Variants in ARHGEF7 observed in about 807,000 individuals in gnomAD.
ARHGEF7 encodes PAK-interacting exchange factor beta.
In ARHGEF7, 33 loss-of-function variants were observed where a neutral mutation model predicts 109.8. The observed-to-expected ratio is 0.30, with a 90% CI of 0.23 to 0.40. The LOEUF (loss-of-function observed/expected upper bound fraction) is 0.40. ARHGEF7 is among the 10% of genes least tolerant of loss of function. The probability of loss-of-function intolerance (pLI) is 1.00; values close to 1 mark genes in which losing one functional copy is unlikely to be tolerated. For missense variants in ARHGEF7, 938 were observed against 1,098.5 expected, an observed-to-expected ratio of 0.85 and a Z score of 2.07; for synonymous variants, 458 against 424.6, an observed-to-expected ratio of 1.08 and a Z score of -0.97.
intron 21 of ARHGEF7, among the ~76,000 whole-genome samples, chr13:111,301,973 A>G (rs1038167712): frequency 5.3e-5 from 8 of 152,200 alleles, no homozygotes; most frequent in African/African-American, 1.9e-4. Flanking sequence ...AGATAAAATA[A>G]TTGGTTGTCT....
intron 17 of ARHGEF7, among the ~76,000 whole-genome samples, chr13:111,287,064 C>A (rs933186372): frequency 9.9e-5 from 15 of 152,232 alleles, no homozygotes; most frequent in Admixed American, 9.8e-4. Context: ...CTGTGCCATG[C>A]CACTGCTGGC....
chr13:111,155,513 A>T (rs2076249211), intron 2 of ARHGEF7, among the ~76,000 whole-genome samples: 1 of 152,236 alleles, frequency 6.6e-6, no homozygotes, highest in African/African-American at 2.4e-5. Context: ...GGGCCTTTTC[A>T]AAGGGGAAAA....
intron 2 of ARHGEF7, among the ~76,000 whole-genome samples, chr13:111,186,135 G>A (rs1017336021): frequency 2.0e-5 from 3 of 152,114 alleles, no homozygotes; most frequent in Non-Finnish European, 4.4e-5. Context: ...TTGGGGCTGC[G>A]CTTCCCTGCC....
In ARHGEF7 at chr13:111,286,116, T is replaced by C. The variant is rs749896139; in HGVS notation, c.1951-31T>C. On this transcript the variant is annotated intron_variant, in intron 16 of 21. Coordinates refer to ENST00000646102, the MANE Select transcript of ARHGEF7 (RefSeq NM_001354046.2). The stretch of plus-strand genomic sequence containing the variant: ...CCAGTGAAAATGATTGGCTTTAGAG[T>C]ATGTTAGCATTTTCTTTTGTCTTTC... The C allele has an allele frequency of 7.3e-5, 114 of 1,553,102 alleles. 1 individual carries two copies. The East Asian group carries it at 2.5e-3, about 35-fold the overall frequency.
chr13:111,187,273 A>G (rs755817488), intron 2 of ARHGEF7, among the ~76,000 whole-genome samples: 4 of 152,054 alleles, frequency 2.6e-5, no homozygotes, highest in East Asian at 1.9e-4. Context: ...CTGGCTGTGA[A>G]ATTGGTTCAC....
At chr13:111,125,179 T>G (rs1566593128) in intron 1 of ARHGEF7, among the ~76,000 whole-genome samples, 1 of 152,162 alleles carries the variant, frequency 6.6e-6, no homozygotes, top group East Asian at 1.9e-4. Context: ...GCTTTGGACC[T>G]GGAATCTTTC....
chr13:111,119,873 G>A (rs1198549361), intron 1 of ARHGEF7, among the ~76,000 whole-genome samples: 5 of 152,150 alleles, frequency 3.3e-5, no homozygotes, highest in Admixed American at 2.6e-4. Flanking sequence ...TAAAAAGAAC[G>A]TGATGAGTGA....
At chr13:111,208,076 TG>T (rs2082095126) in intron 3 of ARHGEF7, among the ~76,000 whole-genome samples, 1 of 152,244 alleles carries the variant, frequency 6.6e-6, no homozygotes. Context: ...GTTTCGTTCT[TG>T]TTGCCCAGGC....
intron 20 of ARHGEF7, 74 bp from the exon 21 acceptor site, chr13:111,301,404 C>A: frequency 7.9e-7 from 1 of 1,268,366 alleles, no homozygotes; most frequent in Non-Finnish European, 1.1e-6. Flanking sequence ...ATCGTAGTGT[C>A]TCCTGGTAAG....
In ARHGEF7 at chr13:111,258,999, G is replaced by C. The variant is rs1016142202; in HGVS notation, c.951-8549G>C. The stretch of plus-strand genomic sequence containing the variant: ...GAGAGGTTTCCTGCTTATGGAAAAG[G>C]GGAGTGAAGAGTGGGAAGGACTTTT... On this transcript the variant is annotated intron_variant, in intron 8 of 21. Coordinates refer to ENST00000646102, the MANE Select transcript of ARHGEF7 (RefSeq NM_001354046.2). The surrounding 1 kb of genome is among the most constrained non-coding windows in gnomAD (Gnocchi z 4.4). Among the ~76,000 whole-genome samples, 10 of 152,206 alleles carry C rather than the reference G, an allele frequency of 6.6e-5. No homozygotes were observed. Among genetic ancestry groups the C allele is most frequent in the Non-Finnish European group, 1.5e-4 (10 of 68,040 alleles).
At chr13:111,213,365 C>T (rs1014400245) in intron 4 of ARHGEF7, among the ~76,000 whole-genome samples, 3 of 152,112 alleles carry the variant, frequency 2.0e-5, no homozygotes, top group African/African-American at 7.2e-5. Context: ...TGACACGTAA[C>T]GTACATAGAA....
chr13:111,206,952 A>G (rs2081944624), intron 3 of ARHGEF7, among the ~76,000 whole-genome samples: 1 of 134,072 alleles, frequency 7.5e-6, no homozygotes, highest in Non-Finnish European at 1.6e-5. Flanking sequence ...ACAGAGCGAG[A>G]CTCCATCTAA....
At chr13:111,153,661 G>C in intron 1 of ARHGEF7, 1 of 1,231,936 alleles carries the variant, frequency 8.1e-7, no homozygotes, top group Non-Finnish European at 1.0e-6. Flanking sequence ...CCGGCGCCGG[G>C]GCTCACTTCC....
intron 2 of ARHGEF7, among the ~76,000 whole-genome samples, chr13:111,166,396 A>G (rs2077129781): frequency 6.6e-6 from 1 of 152,186 alleles, no homozygotes; most frequent in Non-Finnish European, 1.5e-5. Context: ...GGGAGAAGGG[A>G]TGTGATGTAA....
intron 1 of ARHGEF7, among the ~76,000 whole-genome samples, chr13:111,128,809 C>A (rs780430964): frequency 6.6e-6 from 1 of 152,158 alleles, no homozygotes; most frequent in Non-Finnish European, 1.5e-5. Flanking sequence ...CTGTTCTATT[C>A]ATATTGATCT....
intron 2 of ARHGEF7, among the ~76,000 whole-genome samples, chr13:111,183,880 G>GT (rs1330306383): frequency 6.6e-6 from 1 of 152,156 alleles, no homozygotes; most frequent in Non-Finnish European, 1.5e-5. Context: ...GAGGAGCTCT[G>GT]TAAGTCTCCA....
At chr13:111,265,843 G>A (rs1158212730) in intron 8 of ARHGEF7, 1 of 416,418 alleles carries the variant, frequency 2.4e-6, no homozygotes, top group Non-Finnish European at 4.9e-6. Context: ...ACCTGCGGGT[G>A]CCTTGATCTT....
chr13:111,193,751 A>G (rs925799866), intron 2 of ARHGEF7, among the ~76,000 whole-genome samples: 2 of 152,188 alleles, frequency 1.3e-5, no homozygotes, highest in African/African-American at 2.4e-5. Context: ...TTGTCCACCA[A>G]TGAACTTCCA....
At chr13:111,293,982 A>G (rs2093364472) in intron 19 of ARHGEF7, 6 of 985,448 alleles carry the variant, frequency 6.1e-6, no homozygotes, top group Non-Finnish European at 7.2e-6. Context: ...CACAGGAGAC[A>G]TCAGGGCAGC....
Sources: gnomAD v4.1 joint callset for allele counts (sites outside exome capture counted in the v4.1 genomes callset) on GRCh38, gnomAD v4.1.1 for gene constraint, Gnocchi (gnomAD v3.1) non-coding constraint, MANE v1.5 for transcripts, NCBI Gene and HGNC (gene_info 2026-07-23, HGNC 2026-07-21) for gene names.